The following HSP90AA1 variants were observed in gnomAD, a reference collection of about 807,000 sequenced individuals.
HSP90AA1 encodes heat shock protein 90 alpha family class A member 1.
A neutral mutation model predicts 73.3 loss-of-function variants in HSP90AA1; 18 were observed. That is an observed-to-expected ratio of 0.25 (90% CI 0.17 to 0.36). The LOEUF is 0.36. Ranked by LOEUF, HSP90AA1 falls within the 10% of genes least tolerant of loss-of-function variation. HSP90AA1 has a pLI of 1.00. For missense variants in HSP90AA1, 704 were observed against 874.2 expected (o/e 0.81, Z 2.45); for synonymous variants, 477 against 296.9 (o/e 1.61, Z -6.24).
At position 102,101,892 on chromosome 14, in the gene HSP90AA1, T is replaced by C. The variant is rs770128351; in HGVS notation, c.349A>G (p.Ile117Val). Residue 117 changes from isoleucine to valine, a missense_variant, in exon 2 of 12, where the codon ATA becomes GTA. Ile to Val is a conservative substitution (Grantham distance 29). Coordinates refer to the HSP90AA1 transcript ENST00000334701. ...CCACTTACCAGTAGCCTAAGCAATA[T>C]AAATGGCTGCAGATCCTTGTAGAGG... The C allele has an allele frequency of 3.7e-6, 6 of 1,613,754 alleles. No homozygotes were observed. The Admixed American group carries it at 5.0e-5, about 13-fold the overall frequency.
chr14:102,083,160 T>C lies in HSP90AA1; in HGVS notation c.1629A>G (p.Ser543=), dbSNP rs1342064981. Residue 543 remains serine, a synonymous_variant, in exon 9 of 11, where the codon TCA becomes TCG. Transcript: ENST00000216281. ...GAAGTTCCAGGCCTTCTTTGGTGACTGACACTAAAGTCTTCCCCTCAAATT... is the reference window on the plus strand; with the variant it reads ...GAAGTTCCAGGCCTTCTTTGGTGACCGACACTAAAGTCTTCCCCTCAAATT... ...LKEFEGKTLV[S]VTKEGLELPE... is the part of the protein sequence containing the mutation. 1.9e-6 allele frequency: 3 copies of C among 1,614,028 alleles called. No homozygotes were observed. Among genetic ancestry groups the C allele is most frequent in the Admixed American group, 1.7e-5 (1 of 60,018 alleles).
intron 1 of HSP90AA1, among the ~76,000 whole-genome samples, chr14:102,107,619 A>G (rs2010693): frequency 0.81 from 123,526 of 152,006 alleles, 51,134 homozygotes; most frequent in East Asian, 0.97. Context: ...CACCACTCCT[A>G]GCCTAGCCCC....
chr14:102,122,513 T>C (rs980786522), intron 1 of HSP90AA1, among the ~76,000 whole-genome samples: 1 of 151,800 alleles, frequency 6.6e-6, no homozygotes, highest in Non-Finnish European at 1.5e-5. Flanking sequence ...GATCTCCTGA[T>C]CTTGTGATCC....
chr14:102,105,073 T>C (rs1484479105), intron 1 of HSP90AA1, among the ~76,000 whole-genome samples: 1 of 148,664 alleles, frequency 6.7e-6, no homozygotes, highest in Non-Finnish European at 1.5e-5. Context: ...CCGTGTGTGA[T>C]GGCACGCCCC....
chr14:102,097,091 G>GGCT (rs2049434839), intron 2 of HSP90AA1, among the ~76,000 whole-genome samples: 1 of 152,020 alleles, frequency 6.6e-6, no homozygotes, highest in Non-Finnish European at 1.5e-5. Context: ...GGGTTCAAGT[G>GGCT]ATTCTCTGCC....
chr14:102,097,180 T>C lies in HSP90AA1; in HGVS notation c.366+4695A>G, dbSNP rs141278506. On this transcript the variant is annotated intron_variant, in intron 2 of 11. Coordinates refer to the HSP90AA1 transcript ENST00000334701. ...TTTGTATTTTTAGTAGAGACGGGGT[T>C]TCTCCATGTTGGCCAGGCTGGTCTC... Among the ~76,000 whole-genome samples, 98 of 152,124 alleles carry C rather than the reference T, an allele frequency of 6.4e-4. 1 individual carries two copies. Among genetic ancestry groups the C allele is most frequent in the African/African-American group, 2.3e-3 (94 of 41,494 alleles).
At chr14:102,104,834 G>A (rs1438966000) in intron 1 of HSP90AA1, among the ~76,000 whole-genome samples, 1 of 151,510 alleles carries the variant, frequency 6.6e-6, no homozygotes, top group African/African-American at 2.4e-5. Context: ...TGTTGTATTT[G>A]TCTTCCTGTA....
At chr14:102,085,610 G>A (rs907163906) in intron 3 of HSP90AA1, 148 bp downstream of exon 3, 34 of 1,303,426 alleles carry the variant, frequency 2.6e-5, no homozygotes, top group Middle Eastern at 1.8e-4. Context: ...ACCAAGTCAT[G>A]CCATTACACT....
chr14:102,101,005 C>T (rs1311447268), intron 2 of HSP90AA1, among the ~76,000 whole-genome samples: 1 of 152,178 alleles, frequency 6.6e-6, no homozygotes, highest in Non-Finnish European at 1.5e-5. Context: ...ACCTCCCATT[C>T]TTGTTCAATA....
At chr14:102,102,525 T>C (rs1036277508) in intron 1 of HSP90AA1, among the ~76,000 whole-genome samples, 10 of 152,092 alleles carry the variant, frequency 6.6e-5, no homozygotes, top group South Asian at 2.1e-4. Context: ...AAGGGGAAAA[T>C]TGAATCCAGG....
Position 102,084,396 on chromosome 14 carries a change from T to TAGGAA in HSP90AA1, c.1147+2_1147+3insTTCCT, listed in dbSNP as rs2049173240. 1 of 1,611,028 alleles carries TAGGAA rather than the reference T, an allele frequency of 6.2e-7. No individual in the cohort carries two copies. Among genetic ancestry groups the TAGGAA allele is most frequent in the Admixed American group, 1.7e-5 (1 of 59,974 alleles). ...AGTGATTATTTTTCCTATCTATACT[T>TAGGAA]ACTCAGATATTCAGGGATTAGCTCC... On this transcript the variant is annotated splice_region_variant and intron_variant, in intron 6 of 10. Coordinates refer to ENST00000216281, the MANE Select transcript of HSP90AA1 (RefSeq NM_005348.4).
chr14:102,094,646 TAAA>T (rs1423892779), intron 2 of HSP90AA1, among the ~76,000 whole-genome samples: 1 of 151,828 alleles, frequency 6.6e-6, no homozygotes, highest in Non-Finnish European at 1.5e-5. Context: ...AGGCAAGAAT[TAAA>T]AAGAAAATGG....
chr14:102,085,033 C>CA (rs1403806260), intron 4 of HSP90AA1, 35 bp from the exon 5 acceptor site: 1 of 1,613,744 alleles, frequency 6.2e-7, no homozygotes, highest in East Asian at 2.2e-5. Flanking sequence ...ATCACTGCTG[C>CA]ACTCCAGAAC....
At chr14:102,118,355 G>A (rs1267910786) in intron 1 of HSP90AA1, among the ~76,000 whole-genome samples, 1 of 151,866 alleles carries the variant, frequency 6.6e-6, no homozygotes, top group Non-Finnish European at 1.5e-5. Context: ...TGTCATATTA[G>A]AAAGAATGTC....
chr14:102,085,805 G>A lies in HSP90AA1; in HGVS notation c.482C>T (p.Ala161Val), dbSNP rs147522436. 1 of 1,613,800 alleles carries A rather than the reference G, an allele frequency of 6.2e-7. No individual in the cohort carries two copies. The highest frequency in any genetic ancestry group is 1.3e-5 in the African/African-American group (1 of 74,892). The change falls in exon 3 of 11, where the codon GCT (alanine) becomes GTT (valine). Residue 161 changes from alanine to valine, a missense_variant. Transcript: ENST00000216281. ...ITKHNDDEQY[A>V]WESSAGGSFT... ...TGATCCCCCTGCTGAGGACTCCCAA[G>A]CGTACTGCTCATCATCGTTATGTTT...
chr14:102,094,066 A>G (rs1277443002), intron 2 of HSP90AA1, among the ~76,000 whole-genome samples: 1 of 152,274 alleles, frequency 6.6e-6, no homozygotes, highest in East Asian at 1.9e-4. Context: ...GGAGCAACCC[A>G]GTTTTTCCAT....
rs189388982 is a variant in HSP90AA1, at chr14:102,100,617, G to T, written c.366+1258C>A. Among the ~76,000 whole-genome samples the T allele has an allele frequency of 1.7e-3, 265 of 152,280 alleles. 1 individual carries two copies. The highest frequency in any genetic ancestry group is 4.6e-3 in the Admixed American group (70 of 15,282). On this transcript the variant is annotated intron_variant, in intron 2 of 11. Coordinates refer to the HSP90AA1 transcript ENST00000334701. ...ATTTTGTATTTTTAGTAGAGACAGG[G>T]TTTCTCCATGTTGGTCAGGCTGGTC...
At chr14:102,127,653 A>G (rs573669411) in intron 1 of HSP90AA1, among the ~76,000 whole-genome samples, 69 of 152,206 alleles carry the variant, frequency 4.5e-4, no homozygotes, top group African/African-American at 1.6e-3. Flanking sequence ...TATTATATAT[A>G]TACACATACA....
intron 1 of HSP90AA1, among the ~76,000 whole-genome samples, chr14:102,129,867 T>A (rs2049886555): frequency 6.6e-6 from 1 of 152,338 alleles, no homozygotes; most frequent in East Asian, 1.9e-4. Context: ...ATTTTGTTTA[T>A]CCATTCATTA....
Sources: allele counts gnomAD v4.1 joint callset (sites outside exome capture counted in the v4.1 genomes callset), GRCh38; gene constraint gnomAD v4.1.1; transcripts MANE v1.5; gene names NCBI Gene and HGNC (gene_info 2026-07-23, HGNC 2026-07-21).